Variants in TSPAN33 observed in about 807,000 individuals in gnomAD.
TSPAN33 encodes tetraspanin-33.
In TSPAN33, 27 loss-of-function variants were observed where a neutral mutation model predicts 34.8. The ratio of observed to expected loss-of-function variants is 0.78; its 90% CI spans 0.57 to 1.07. TSPAN33 has a LOEUF of 1.07. TSPAN33 is among the 50% of genes least tolerant of loss of function. TSPAN33 has a pLI of 0.00. For missense variants in TSPAN33, 272 were observed against 324.9 expected, an observed-to-expected ratio of 0.84 and a Z score of 1.25; for synonymous variants, 119 against 124.2, an observed-to-expected ratio of 0.96 and a Z score of 0.28.
intron 1 of TSPAN33, among the ~76,000 whole-genome samples, chr7:129,159,354 C>T (rs1356225715): frequency 6.6e-6 from 1 of 152,232 alleles, no homozygotes; most frequent in Admixed American, 6.5e-5. Context: ...CGTGTTTGGC[C>T]TGACCCCACA....
In TSPAN33 at chr7:129,165,902, T is replaced by C. The variant is rs1793131912; in HGVS notation, c.460-876T>C. Among the ~76,000 whole-genome samples the C allele has an allele frequency of 6.6e-6, 1 of 150,900 alleles. No individual in the cohort carries two copies. The highest frequency in any genetic ancestry group is 1.5e-5 in the Non-Finnish European group (1 of 67,788). On this transcript the variant is annotated intron_variant, in intron 5 of 7. Coordinates refer to ENST00000486685, the MANE Select transcript of TSPAN33 (RefSeq NM_178562.5). The surrounding 1 kb of genome is among the most constrained non-coding windows in gnomAD (Gnocchi z 4.5). ...TCCAGCCTGGGTGACAGACAGAGAC[T>C]CCGTCTCAAAAATAAATAAGTGAAA...
intron 1 of TSPAN33, among the ~76,000 whole-genome samples, chr7:129,152,304 A>C (rs1461165081): frequency 1.3e-5 from 2 of 152,250 alleles, no homozygotes; most frequent in Non-Finnish European, 2.9e-5. Flanking sequence ...TATCCACAGC[A>C]GCCAAAAGGT....
chr7:129,144,961 G>T lies in TSPAN33; in HGVS notation c.-20G>T. On this transcript the variant is annotated 5_prime_UTR_variant, in exon 1 of 8. Transcript: ENST00000486685. ...GCCGCTGGGAAATAGGCCCCCGGGG[G>T]CGGTGGCGGCGGCGGGGCCATGGCG... The T allele has an allele frequency of 6.7e-6, 4 of 598,042 alleles. No individual in the cohort carries two copies. The highest frequency in any genetic ancestry group is 9.0e-6 in the Non-Finnish European group (3 of 331,568). 37.0% of individuals were successfully genotyped at this position (598,042 alleles called of 1,614,324 possible).
rs148833581 is a variant in TSPAN33, at chr7:129,167,787, G to C, written c.765G>C (p.Leu255=). 74 of 1,614,028 alleles carry C rather than the reference G, an allele frequency of 4.6e-5. 1 individual carries two copies. The highest frequency in any genetic ancestry group is 5.8e-5 in the Non-Finnish European group (69 of 1,180,014). Residue 255 remains leucine (L), a synonymous_variant, in exon 8 of 8, where the codon CTG becomes CTC. Transcript: ENST00000486685. The surrounding 1 kb of genome is among the most constrained non-coding windows in gnomAD (Gnocchi z 4.6). The stretch of plus-strand genomic sequence containing the variant: ...GCCTCTCCCAGCTGGTGGGAATTCT[G>C]CTGTCCCAGATCCTAGTGAATCAGA... ...GLAIPQLVGI[L]LSQILVNQIK...
intron 1 of TSPAN33, among the ~76,000 whole-genome samples, chr7:129,155,273 G>T (rs907811641): frequency 6.6e-6 from 1 of 152,214 alleles, no homozygotes; most frequent in African/African-American, 2.4e-5. Context: ...AGGATGAAAA[G>T]AGGCTGGTTC....
intron 5 of TSPAN33, chr7:129,166,372 T>C (rs189084109): frequency 6.4e-6 from 1 of 155,842 alleles, no homozygotes; most frequent in Admixed American, 6.5e-5. Flanking sequence ...ATATTGAAGA[T>C]TCCTCCCCTG....
At chr7:129,152,392 C>T (rs1337321264) in intron 1 of TSPAN33, among the ~76,000 whole-genome samples, 2 of 152,092 alleles carry the variant, frequency 1.3e-5, no homozygotes, top group Non-Finnish European at 2.9e-5. Context: ...TATTATTCAG[C>T]GATAAAAGGA....
chr7:129,149,020 C>T (rs911732059), intron 1 of TSPAN33, among the ~76,000 whole-genome samples: 55 of 152,118 alleles, frequency 3.6e-4, no homozygotes, highest in Non-Finnish European at 6.3e-4. Flanking sequence ...CTTCCAAATA[C>T]ACTAGGAGGC....
rs560774436 is a variant in TSPAN33 at position 129,168,997 on chromosome 7, C to A, written c.*1123C>A. Among the ~76,000 whole-genome samples, 26 of 152,328 alleles carry A rather than the reference C, an allele frequency of 1.7e-4. No homozygotes were observed. The highest frequency in any genetic ancestry group is 1.7e-3 in the Admixed American group (26 of 15,306). On this transcript the variant is annotated 3_prime_UTR_variant, in exon 8 of 8. Transcript: ENST00000486685. ...CCGATGCATTGCCACCCTCCCACAG[C>A]CTCGCCCTCTGCTCTAAATTAGGTC...
rs1046582048 is a variant in TSPAN33, at chr7:129,167,308, T to C, written c.589-91T>C. ...CATATATTCTCTGACAATTTAGGAG[T>C]TTGGGAAGGGTGGGAAGCCCATCAG... On this transcript the variant is annotated intron_variant, in intron 6 of 7. Transcript: ENST00000486685. The surrounding 1 kb of genome is among the most constrained non-coding windows in gnomAD (Gnocchi z 4.6). 7.0e-7 allele frequency: 1 copy of C among 1,436,042 alleles called. No homozygotes were observed. The highest frequency in any genetic ancestry group is 9.5e-7 in the Non-Finnish European group (1 of 1,053,726). 89.0% of individuals were successfully genotyped at this position (1,436,042 alleles called of 1,614,324 possible).
At chr7:129,163,416 T>G (rs1439706511) in intron 4 of TSPAN33, among the ~76,000 whole-genome samples, 2 of 150,214 alleles carry the variant, frequency 1.3e-5, no homozygotes, top group African/African-American at 2.4e-5. Flanking sequence ...CTTGAACTCC[T>G]GGGCTCAAGT....
At chr7:129,158,301 G>A (rs1025992059) in intron 1 of TSPAN33, among the ~76,000 whole-genome samples, 1 of 152,222 alleles carries the variant, frequency 6.6e-6, no homozygotes, top group Admixed American at 6.5e-5. Flanking sequence ...ACATCTTTGA[G>A]GGGACATTAT....
chr7:129,153,781 A>G (rs1199349961), intron 1 of TSPAN33, among the ~76,000 whole-genome samples: 2 of 152,010 alleles, frequency 1.3e-5, no homozygotes, highest in African/African-American at 4.8e-5. Flanking sequence ...TCTCTACAAA[A>G]AAATTTAAAA....
rs1417630836 is a variant in TSPAN33, at chr7:129,148,988, CA to C, written c.102+3907del. ...TCTAAGTGGCAGGGGCCCTTTCTGC[CA>C]TCCAACCCCCTCATCCTATACTTCC... On this transcript the variant is annotated intron_variant, in intron 1 of 7. Transcript: ENST00000486685. This position sits in a 1 kb window ranked among gnomAD's most constrained non-coding sequence, Gnocchi z 4.2. Among the ~76,000 whole-genome samples the C allele has an allele frequency of 6.6e-6, 1 of 152,154 alleles. No individual in the cohort carries two copies. Among genetic ancestry groups the C allele is most frequent in the Non-Finnish European group, 1.5e-5 (1 of 68,026 alleles).
rs1793162303 is a variant in TSPAN33 at position 129,167,613 on chromosome 7, T to G, written c.750+53T>G. On this transcript the variant is annotated intron_variant, in intron 7 of 7. Coordinates refer to ENST00000486685, the MANE Select transcript of TSPAN33 (RefSeq NM_178562.5). The surrounding 1 kb of genome is among the most constrained non-coding windows in gnomAD (Gnocchi z 4.6). ...CCCACACACTCTGTAAAGACTCCTT[T>G]GTTTTGGGGAAGGCACCTGGGGATC... 5 of 1,595,338 alleles carry G rather than the reference T, an allele frequency of 3.1e-6. No homozygotes were observed. The Admixed American group carries it at 8.5e-5, about 27-fold the overall frequency.
intron 4 of TSPAN33, among the ~76,000 whole-genome samples, chr7:129,163,180 T>C (rs1249406441): frequency 6.6e-6 from 1 of 152,162 alleles, no homozygotes; most frequent in Non-Finnish European, 1.5e-5. Context: ...GAAACTTTAA[T>C]AGCAAATGAC....
chr7:129,152,806 C>A (rs1810614354), intron 1 of TSPAN33, among the ~76,000 whole-genome samples: 2 of 151,964 alleles, frequency 1.3e-5, no homozygotes. Flanking sequence ...CACCTGTAAT[C>A]CTAGCACTTG....
chr7:129,161,706 G>T lies in TSPAN33; in HGVS notation c.130G>T (p.Gly44Cys). ...WVISMVMVAV[G>C]VYARLMKHAE... ...GATTTCCATGGTGATGGTGGCTGTGGGTGTCTACGCTCGGCTAATGAAGCA... is the reference window on the plus strand; with the variant it reads ...GATTTCCATGGTGATGGTGGCTGTGTGTGTCTACGCTCGGCTAATGAAGCA... Residue 44 changes from glycine to cysteine, a missense_variant, in exon 2 of 8, where the codon GGT becomes TGT. Transcript: ENST00000486685. The T allele has an allele frequency of 6.2e-7, 1 of 1,614,110 alleles. No homozygotes were observed. The highest frequency in any genetic ancestry group is 8.5e-7 in the Non-Finnish European group (1 of 1,180,014).
Position 129,165,193 on chromosome 7 carries a change from C to G in TSPAN33, c.459+624C>G, listed in dbSNP as rs1793119871. On this transcript the variant is annotated intron_variant, in intron 5 of 7. Coordinates refer to ENST00000486685, the MANE Select transcript of TSPAN33 (RefSeq NM_178562.5). The surrounding 1 kb of genome is among the most constrained non-coding windows in gnomAD (Gnocchi z 4.5). ...TCAAACACTAACTCCCCATTTTCCT[C>G]TCTTGAAACTCTGTATCCATCAAAC... Among the ~76,000 whole-genome samples the G allele has an allele frequency of 1.3e-5, 2 of 152,176 alleles. No homozygotes were observed. Among genetic ancestry groups the G allele is most frequent in the Non-Finnish European group, 2.9e-5 (2 of 68,030 alleles).
Sources: allele counts gnomAD v4.1 joint callset (sites outside exome capture counted in the v4.1 genomes callset), GRCh38; gene constraint gnomAD v4.1.1; non-coding constraint Gnocchi (gnomAD v3.1); transcripts MANE v1.5; gene names NCBI Gene and HGNC (gene_info 2026-07-23, HGNC 2026-07-21).